The following LRP2 variants were observed in gnomAD, a reference collection of about 807,000 sequenced individuals.
LRP2 encodes low-density lipoprotein receptor-related protein 2.
LRP2 carries 172 observed loss-of-function variants against 531.0 expected under a neutral mutation model. The observed-to-expected ratio is 0.32, with a 90% confidence interval of 0.29 to 0.37. The LOEUF (loss-of-function observed/expected upper bound fraction) is 0.37. LRP2 is among the 10% of genes least tolerant of loss of function. LRP2 has a pLI of 1.00. For synonymous variants in LRP2, 1,992 were observed against 2,027.6 expected (o/e 0.98, Z 0.47); for missense variants, 5,167 against 5,868.3 (o/e 0.88, Z 3.90).
intron 53 of LRP2, among the ~76,000 whole-genome samples, chr2:169,177,287 A>G (rs572872498): frequency 1.3e-5 from 2 of 152,326 alleles, no homozygotes; most frequent in Admixed American, 1.3e-4. Flanking sequence ...ATTGCATAAA[A>G]GGAATATAAG....
intron 34 of LRP2, among the ~76,000 whole-genome samples, chr2:169,218,535 C>A (rs980931892): frequency 6.6e-6 from 1 of 152,082 alleles, no homozygotes; most frequent in Non-Finnish European, 1.5e-5. Context: ...CTTAAGGTTG[C>A]AAATTAGGTC....
intron 52 of LRP2, 122 bp from the exon 53 acceptor site, chr2:169,178,148 T>A: frequency 1.4e-6 from 1 of 739,604 alleles, no homozygotes; most frequent in Non-Finnish European, 2.4e-6. Flanking sequence ...TAAGTTCAGA[T>A]CCTCAAAACT....
rs533432746 is a variant in LRP2 at position 169,198,834 on chromosome 2, C to T, written c.8530G>A (p.Gly2844Arg). 3.0e-5 allele frequency: 49 copies of T among 1,613,906 alleles called. No homozygotes were observed. The South Asian group carries it at 3.4e-4, about 11-fold the overall frequency. Residue 2844 changes from glycine (G) to arginine (R), a missense_variant, in exon 45 of 79, where the codon GGA becomes AGA. Physicochemically the swap from Gly to Arg is moderately radical, Grantham distance 125. Around this residue, in one of 6 missense-constraint regions of LRP2, gnomAD observed 1,129 missense variants for 1,362.7 expected, o/e 0.83. Transcript: ENST00000649046. ...ICIPRVYLCD[G>R]DNDCGDNSDE... ...CTGTTATCTCCACAGTCATTGTCTC[C>T]GTCACACAAATAAACGCGAGGAATA...
Position 169,241,299 on chromosome 2 carries a change from G to T in LRP2, c.3734C>A (p.Pro1245Gln), listed in dbSNP as rs748030992. The change falls in exon 25 of 79, where the codon CCG becomes CAG. Residue 1245 changes from proline (P) to glutamine (Q), a missense_variant. By Grantham distance (76) the Pro-to-Gln change is moderately conservative. Around this residue, in one of 6 missense-constraint regions of LRP2, gnomAD observed 2,811 missense variants for 3,058.0 expected, o/e 0.92. Transcript: ENST00000649046. ...ATGCCCATCACATTCCCAGAAGTTC[G>T]GGATGCAGATACCATCTTCTTGGCA... ...FQCQEDGICI[P>Q]NFWECDGHPD... 6 of 1,614,130 alleles carry T rather than the reference G, an allele frequency of 3.7e-6. No individual in the cohort carries two copies. The highest frequency in any genetic ancestry group is 5.1e-6 in the Non-Finnish European group (6 of 1,180,024).
intron 68 of LRP2, among the ~76,000 whole-genome samples, chr2:169,150,047 A>G (rs1269486479): frequency 6.6e-6 from 1 of 152,184 alleles, no homozygotes; most frequent in Non-Finnish European, 1.5e-5. Context: ...AGCAATGACT[A>G]ATGCTGAGGA....
intron 71 of LRP2, among the ~76,000 whole-genome samples, chr2:169,141,047 A>C: frequency 6.6e-6 from 1 of 152,288 alleles, no homozygotes; most frequent in African/African-American, 2.4e-5. Context: ...TGAGTTTTCA[A>C]GTCCTCCCAA....
At chr2:169,138,160 CTG>C (rs1685587209) in intron 75 of LRP2, among the ~76,000 whole-genome samples, 2 of 152,182 alleles carry the variant, frequency 1.3e-5, no homozygotes, top group Admixed American at 1.3e-4. Context: ...TCTAAAATCA[CTG>C]TTTATTTCAT....
At chr2:169,228,815 G>A (rs182076807) in intron 31 of LRP2, among the ~76,000 whole-genome samples, 1 of 152,336 alleles carries the variant, frequency 6.6e-6, no homozygotes, top group East Asian at 1.9e-4. Context: ...TGCCAGGGGA[G>A]TAATAGAAAG....
intron 4 of LRP2, among the ~76,000 whole-genome samples, chr2:169,305,167 A>G (rs571620597): frequency 6.6e-6 from 1 of 152,256 alleles, no homozygotes; most frequent in Admixed American, 6.5e-5. Flanking sequence ...GACAATGGCA[A>G]ATAGCACAGA....
chr2:169,176,612 GT>G (rs756576438), intron 53 of LRP2, 24 bp from the exon 54 acceptor site: 2 of 1,607,292 alleles, frequency 1.2e-6, no homozygotes, highest in East Asian at 4.5e-5. Context: ...AAGAAAATAT[GT>G]GTTCATTTGC....
rs1685626509 is a variant in LRP2, at chr2:169,139,150, T to C, written c.13388+101A>G. ...GTTTCTGTGGAATCGGTGAACTGCG[T>C]ATTGTGCTTTTTTAACTTAGAAAGA... On this transcript the variant is annotated intron_variant, in intron 74 of 78. Transcript: ENST00000649046. The C allele has an allele frequency of 2.6e-6, 4 of 1,539,500 alleles. No individual in the cohort carries two copies. The South Asian group carries it at 4.5e-5, about 17-fold the overall frequency.
At chr2:169,245,878 G>C (rs1308072555) in intron 21 of LRP2, among the ~76,000 whole-genome samples, 3 of 152,040 alleles carry the variant, frequency 2.0e-5, no homozygotes, top group Admixed American at 2.0e-4. Context: ...TTGTTTGTTT[G>C]CTTATTTTTT....
Position 169,284,256 on chromosome 2 carries a change from C to CTTTTTTTTTTTTT in LRP2, c.1043-1268_1043-1256dup, listed in dbSNP as rs1216987363. On this transcript the variant is annotated intron_variant, in intron 9 of 78. Transcript: ENST00000649046. ...CTTTTCTTTTCTTTTTCTTTTTTTT[C>CTTTTTTTTTTTTT]TTTTTTTTTTTTTTTTTTTTTTTTT... is the stretch of plus-strand genomic sequence containing the variant. 4.1e-4 allele frequency among the ~76,000 whole-genome samples: 40 copies of CTTTTTTTTTTTTT among 96,624 alleles called. 2 individuals are homozygous for CTTTTTTTTTTTTT. The highest frequency in any genetic ancestry group is 5.0e-4 in the Non-Finnish European group (26 of 51,766). 63.4% of individuals were successfully genotyped at this position (96,624 alleles called of 152,430 possible).
Position 169,247,456 on chromosome 2 carries a change from C to A in LRP2, c.2830G>T (p.Gly944Cys). 6.2e-7 allele frequency: 1 copy of A among 1,614,130 alleles called. No homozygotes were observed. The highest frequency in any genetic ancestry group is 8.5e-7 in the Non-Finnish European group (1 of 1,179,996). Residue 944 changes from glycine (G) to cysteine (C), a missense_variant, in exon 20 of 79, where the codon GGT (glycine) becomes TGT (cysteine). By Grantham distance (159) the Gly-to-Cys change is radical. Coordinates refer to ENST00000649046, the MANE Select transcript of LRP2 (RefSeq NM_004525.3). ...CTTCGGATAACTGTCATTTCTCCAC[C>A]ATCTGCTTTCCTGACTCGAATAATG... ...GAIIRVRKAD[G>C]GEMTVIRSGI...
chr2:169,186,160 TG>T, intron 49 of LRP2, 141 bp from the exon 50 acceptor site: 1 of 742,992 alleles, frequency 1.3e-6, no homozygotes, highest in Non-Finnish European at 2.2e-6. Context: ...TTCCAAAGAC[TG>T]TGGATTATTG....
intron 16 of LRP2, among the ~76,000 whole-genome samples, chr2:169,260,832 A>G (rs1690515932): frequency 6.6e-6 from 1 of 151,540 alleles, no homozygotes; most frequent in African/African-American, 2.4e-5. Context: ...AGTTTTTTAT[A>G]GAACAGGAGA....
intron 9 of LRP2, among the ~76,000 whole-genome samples, chr2:169,283,637 A>C (rs1244987298): frequency 1.3e-5 from 2 of 152,216 alleles, no homozygotes; most frequent in Non-Finnish European, 2.9e-5. Flanking sequence ...CTATTTACCC[A>C]GCTGTCTTTC....
intron 17 of LRP2, 31 bp downstream of exon 17, chr2:169,258,994 C>G (rs1475244880): frequency 1.2e-6 from 2 of 1,604,976 alleles, no homozygotes; most frequent in Non-Finnish European, 1.7e-6. Flanking sequence ...CATACAGTTT[C>G]AAGCTCTTAG....
rs1247708430 is a variant in LRP2, at chr2:169,198,875, T to C, written c.8489A>G (p.His2830Arg). Residue 2830 changes from histidine to arginine, a missense_variant, in exon 45 of 79, where the codon CAT (histidine) becomes CGT (arginine). By Grantham distance (29) the His-to-Arg change is conservative. Coordinates refer to ENST00000649046, the MANE Select transcript of LRP2 (RefSeq NM_004525.3). ...RTCQSGYTKCHNSNICIPRVY... is the reference protein window; with the variant it reads ...RTCQSGYTKCRNSNICIPRVY... ...GCGAGGAATACAAATATTTGAATTA[T>C]GACATTTTGTGTATCCAGACTGGCA... The C allele has an allele frequency of 5.0e-6, 8 of 1,613,880 alleles. No homozygotes were observed. Among genetic ancestry groups the C allele is most frequent in the Non-Finnish European group, 6.8e-6 (8 of 1,179,822 alleles).
Sources: allele counts gnomAD v4.1 joint callset (sites outside exome capture counted in the v4.1 genomes callset), GRCh38; gene constraint gnomAD v4.1.1; regional missense constraint gnomAD v4.1.1; transcripts MANE v1.5; gene names NCBI Gene and HGNC (gene_info 2026-07-23, HGNC 2026-07-21).